Variants in ROBO1 observed in about 807,000 individuals in gnomAD.
The protein encoded by ROBO1 is roundabout guidance receptor 1.
In ROBO1, 149 loss-of-function variants were observed where a neutral mutation model predicts 195.9. The observed-to-expected ratio is 0.76, with a 90% CI of 0.67 to 0.87. ROBO1 has a LOEUF of 0.87. Among genes scored for constraint, ROBO1 ranks in the 40% least tolerant of loss-of-function variants. The pLI, the probability that ROBO1 is intolerant of heterozygous loss-of-function variation, is 0.00. For synonymous variants in ROBO1, 816 were observed against 733.2 expected (o/e 1.11, Z -1.82); for missense variants, 1,933 against 2,068.3 (o/e 0.93, Z 1.27).
intron 1 of ROBO1, among the ~76,000 whole-genome samples, chr3:79,681,832 A>G (rs1946958636): frequency 6.6e-6 from 1 of 152,074 alleles, no homozygotes; most frequent in Admixed American, 6.6e-5. Flanking sequence ...CATTCAGAAA[A>G]ATCATAAAAA....
chr3:79,163,669 G>T (rs1451952762), intron 2 of ROBO1, among the ~76,000 whole-genome samples: 6 of 152,118 alleles, frequency 3.9e-5, no homozygotes, highest in Non-Finnish European at 5.9e-5. Flanking sequence ...CAATTTCTCT[G>T]CATCCTTGCC....
intron 2 of ROBO1, among the ~76,000 whole-genome samples, chr3:79,496,104 T>C (rs542898652): frequency 4.4e-4 from 67 of 150,906 alleles, no homozygotes; most frequent in African/African-American, 1.5e-3. Context: ...TCTCAGCTAC[T>C]TGGGAGGATG....
At chr3:79,163,226 A>G (rs759386248) in intron 2 of ROBO1, among the ~76,000 whole-genome samples, 11 of 152,058 alleles carry the variant, frequency 7.2e-5, no homozygotes, top group Admixed American at 2.0e-4. Flanking sequence ...TCTCTGTTTC[A>G]ATGGCTTTGA....
At chr3:79,339,102 G>T (rs2034802782) in intron 2 of ROBO1, among the ~76,000 whole-genome samples, 1 of 152,108 alleles carries the variant, frequency 6.6e-6, no homozygotes, top group Admixed American at 6.6e-5. Context: ...ACTCTCAACA[G>T]TTTTCACACT....
intron 1 of ROBO1, among the ~76,000 whole-genome samples, chr3:79,757,927 T>C (rs1183884018): frequency 6.6e-6 from 1 of 152,214 alleles, no homozygotes; most frequent in Non-Finnish European, 1.5e-5. Context: ...CAAAAATAGC[T>C]TTAACTCTTC....
intron 4 of ROBO1, among the ~76,000 whole-genome samples, chr3:78,773,236 A>G (rs1177234459): frequency 3.3e-5 from 5 of 152,110 alleles, no homozygotes; most frequent in Non-Finnish European, 7.4e-5. Context: ...TACAGGTACA[A>G]AAAAATCAAG....
At chr3:78,727,961 A>T (rs898430349) in intron 5 of ROBO1, among the ~76,000 whole-genome samples, 2 of 152,146 alleles carry the variant, frequency 1.3e-5, no homozygotes, top group Non-Finnish European at 2.9e-5. Context: ...AATTCTATGT[A>T]TTTATGACAA....
intron 1 of ROBO1, among the ~76,000 whole-genome samples, chr3:79,678,588 T>C (rs1946852481): frequency 6.6e-6 from 1 of 152,102 alleles, no homozygotes; most frequent in South Asian, 2.1e-4. Flanking sequence ...TAGATAGAAA[T>C]TCCTTAGAAA....
intron 2 of ROBO1, among the ~76,000 whole-genome samples, chr3:79,298,552 G>A (rs147134679): frequency 4.6e-5 from 7 of 152,020 alleles, no homozygotes; most frequent in African/African-American, 7.2e-5. Context: ...TTTAACATAG[G>A]GATAGAATTT....
chr3:78,963,513 T>G (rs2041503765), intron 3 of ROBO1, among the ~76,000 whole-genome samples: 1 of 126,756 alleles, frequency 7.9e-6, no homozygotes, highest in Non-Finnish European at 1.6e-5. Flanking sequence ...TTTTTTTTTT[T>G]TTTTTTTCTT....
At chr3:79,536,416 C>T (rs1251982808) in intron 2 of ROBO1, among the ~76,000 whole-genome samples, 2 of 143,634 alleles carry the variant, frequency 1.4e-5, no homozygotes, top group African/African-American at 5.2e-5. Context: ...TATATTCCAT[C>T]GCTTTCTGTC....
chr3:78,813,783 T>C (rs2084816506), intron 4 of ROBO1, among the ~76,000 whole-genome samples: 1 of 152,046 alleles, frequency 6.6e-6, no homozygotes, highest in Non-Finnish European at 1.5e-5. Flanking sequence ...TCAACTCTTT[T>C]CATAATAATA....
intron 5 of ROBO1, among the ~76,000 whole-genome samples, chr3:78,736,528 G>C (rs1054613501): frequency 1.3e-5 from 2 of 152,068 alleles, no homozygotes; most frequent in African/African-American, 4.8e-5. Context: ...GACAAAGTGG[G>C]TAGAAGAACA....
intron 3 of ROBO1, chr3:79,018,631 T>C (rs1196566700): frequency 6.9e-7 from 1 of 1,439,964 alleles, no homozygotes. Flanking sequence ...CGGACGCTTG[T>C]CAGTATCTCA....
intron 2 of ROBO1, among the ~76,000 whole-genome samples, chr3:79,326,834 C>T (rs567669980): frequency 3.9e-5 from 6 of 152,120 alleles, no homozygotes; most frequent in South Asian, 2.1e-4. Context: ...TATGATCATA[C>T]CTCTCAAGAA....
In ROBO1 at chr3:78,667,966, G is replaced by T. The variant is rs1462637533; in HGVS notation, c.1883C>A (p.Ala628Glu). ...TGCCCTCACAAGGAAAAGGTAAATT[G>T]CATTAGGTTTGAGTCCTTTAATGGC... ...TSAIKGLKPN[A>E]IYLFLVRAAN... The change falls in exon 14 of 31, where the codon GCA (alanine) becomes GAA (glutamate). Residue 628 changes from alanine to glutamate, a missense_variant. Coordinates refer to ENST00000464233, the MANE Select transcript of ROBO1 (RefSeq NM_002941.4). 6.2e-7 allele frequency: 1 copy of T among 1,613,632 alleles called. No individual in the cohort carries two copies. Among genetic ancestry groups the T allele is most frequent in the Non-Finnish European group, 8.5e-7 (1 of 1,179,778 alleles).
At chr3:79,573,652 C>T (rs912852069) in intron 2 of ROBO1, among the ~76,000 whole-genome samples, 5 of 152,122 alleles carry the variant, frequency 3.3e-5, no homozygotes, top group African/African-American at 1.2e-4. Flanking sequence ...GTTTAAAGAA[C>T]ATGACAAATT....
At chr3:79,201,162 A>G (rs1247547148) in intron 2 of ROBO1, among the ~76,000 whole-genome samples, 1 of 151,904 alleles carries the variant, frequency 6.6e-6, no homozygotes. Flanking sequence ...AAAACCATCT[A>G]ATAGTTTTCT....
intron 2 of ROBO1, among the ~76,000 whole-genome samples, chr3:79,489,131 A>AG (rs1939316331): frequency 6.7e-6 from 1 of 149,208 alleles, no homozygotes; most frequent in African/African-American, 2.5e-5. Flanking sequence ...TATATAAAAC[A>AG]TGTGGTAAGA....
Sources: gnomAD v4.1 joint callset for allele counts (sites outside exome capture counted in the v4.1 genomes callset) on GRCh38, gnomAD v4.1.1 for gene constraint, MANE v1.5 for transcripts, NCBI Gene and HGNC (gene_info 2026-07-23, HGNC 2026-07-21) for gene names.